PLCL1: variants seen among roughly 807,000 people sequenced by gnomAD.
PLCL1 encodes phospholipase C like 1 (inactive).
In PLCL1, 41 loss-of-function variants were observed where a neutral mutation model predicts 84.4. That is an observed-to-expected ratio of 0.49 (90% CI 0.38 to 0.63). PLCL1 has a LOEUF of 0.63. Ranked by LOEUF, PLCL1 falls within the 30% of genes least tolerant of loss-of-function variation. The pLI, the probability that PLCL1 is intolerant of heterozygous loss-of-function variation, is 0.00. For missense variants in PLCL1, 1,206 were observed against 1,367.8 expected (o/e 0.88, Z 1.87); for synonymous variants, 490 against 488.3 (o/e 1.00, Z -0.05).
intron 1 of PLCL1, among the ~76,000 whole-genome samples, chr2:197,823,063 G>T (rs1392053052): frequency 1.3e-5 from 2 of 152,062 alleles, no homozygotes; most frequent in Non-Finnish European, 2.9e-5. Context: ...AGTTAAAAAT[G>T]ATTTTCTATT....
At chr2:197,933,675 G>A (rs1688993898) in intron 1 of PLCL1, among the ~76,000 whole-genome samples, 1 of 152,108 alleles carries the variant, frequency 6.6e-6, no homozygotes, top group East Asian at 1.9e-4. Context: ...GGAAGTCATT[G>A]GAACTGGGCC....
chr2:198,111,065 A>C (rs1311854960), intron 5 of PLCL1, among the ~76,000 whole-genome samples: 1 of 151,848 alleles, frequency 6.6e-6, no homozygotes, highest in African/African-American at 2.4e-5. Flanking sequence ...GCAGCCAGAC[A>C]CTTCCTAGCT....
At chr2:197,966,704 A>G (rs1651489119) in intron 1 of PLCL1, among the ~76,000 whole-genome samples, 1 of 152,020 alleles carries the variant, frequency 6.6e-6, no homozygotes, top group African/African-American at 2.4e-5. Flanking sequence ...AAAACCAGGT[A>G]CTGTGGTCAC....
intron 1 of PLCL1, among the ~76,000 whole-genome samples, chr2:197,989,032 A>C (rs1690280836): frequency 6.6e-6 from 1 of 152,220 alleles, no homozygotes; most frequent in African/African-American, 2.4e-5. Flanking sequence ...TGAGTGAAAG[A>C]ACTAACTAGG....
intron 1 of PLCL1, among the ~76,000 whole-genome samples, chr2:197,967,060 T>C (rs1012286441): frequency 1.3e-5 from 2 of 152,126 alleles, no homozygotes; most frequent in Non-Finnish European, 1.5e-5. Flanking sequence ...CAGAGTCTGC[T>C]GCTCCAGCTC....
At chr2:198,065,717 G>C (rs1395059217) in intron 1 of PLCL1, among the ~76,000 whole-genome samples, 1 of 152,116 alleles carries the variant, frequency 6.6e-6, no homozygotes, top group Non-Finnish European at 1.5e-5. Context: ...AACTTAAAGG[G>C]CCTATTTTCC....
At chr2:197,989,021 T>C (rs1258146579) in intron 1 of PLCL1, among the ~76,000 whole-genome samples, 1 of 152,188 alleles carries the variant, frequency 6.6e-6, no homozygotes, top group African/African-American at 2.4e-5. Context: ...TTATATCCTA[T>C]TGAGTGAAAG....
intron 1 of PLCL1, among the ~76,000 whole-genome samples, chr2:197,974,283 A>G (rs1462693286): frequency 1.3e-5 from 2 of 152,220 alleles, no homozygotes; most frequent in Non-Finnish European, 2.9e-5. Flanking sequence ...ATTGCTATGG[A>G]AAGTCCTGGG....
At chr2:198,029,117 C>T (rs1303773848) in intron 1 of PLCL1, among the ~76,000 whole-genome samples, 2 of 152,178 alleles carry the variant, frequency 1.3e-5, no homozygotes. Flanking sequence ...TGTTCAAGAA[C>T]TCTCTGATGC....
chr2:197,938,950 T>A (rs1689100042), intron 1 of PLCL1, among the ~76,000 whole-genome samples: 1 of 152,168 alleles, frequency 6.6e-6, no homozygotes, highest in Admixed American at 6.5e-5. Context: ...CATTTGAGTT[T>A]GTGAACACAA....
At chr2:197,918,475 C>A (rs776531330) in intron 1 of PLCL1, among the ~76,000 whole-genome samples, 10 of 151,936 alleles carry the variant, frequency 6.6e-5, no homozygotes, top group Non-Finnish European at 1.3e-4. Flanking sequence ...AAAACATGTA[C>A]CATAATATGT....
intron 5 of PLCL1, among the ~76,000 whole-genome samples, chr2:198,114,000 C>T: frequency 6.7e-6 from 1 of 149,700 alleles, no homozygotes; most frequent in Non-Finnish European, 1.5e-5. Context: ...TGAAAAGATG[C>T]AGAGAGAGAG....
At chr2:197,894,242 G>A (rs1210535975) in intron 1 of PLCL1, among the ~76,000 whole-genome samples, 1 of 151,978 alleles carries the variant, frequency 6.6e-6, no homozygotes, top group African/African-American at 2.4e-5. Flanking sequence ...AGGCAGGCAA[G>A]GGAGACAGGT....
intron 1 of PLCL1, among the ~76,000 whole-genome samples, chr2:197,922,722 G>A (rs1251878432): frequency 4.6e-5 from 5 of 108,792 alleles, no homozygotes; most frequent in Admixed American, 9.0e-5. Context: ...CAGTAGGGGC[G>A]GCCGGGCAGA....
chr2:198,073,790 A>G (rs921477749), intron 1 of PLCL1, among the ~76,000 whole-genome samples: 1 of 152,194 alleles, frequency 6.6e-6, no homozygotes, highest in Non-Finnish European at 1.5e-5. Context: ...TGCAAGAAGG[A>G]GTCCATTTGT....
intron 1 of PLCL1, among the ~76,000 whole-genome samples, chr2:197,895,443 A>G (rs1035665228): frequency 1.8e-4 from 27 of 151,924 alleles, no homozygotes; most frequent in African/African-American, 6.0e-4. Context: ...GCAAATTTCC[A>G]TATGTAGAAA....
At chr2:197,968,429 T>G (rs1689791760) in intron 1 of PLCL1, among the ~76,000 whole-genome samples, 1 of 152,218 alleles carries the variant, frequency 6.6e-6, no homozygotes, top group Non-Finnish European at 1.5e-5. Flanking sequence ...GGGTACTTTC[T>G]AGGTTTCCTT....
chr2:198,076,341 G>T (rs1379483793), intron 1 of PLCL1, among the ~76,000 whole-genome samples: 3 of 152,216 alleles, frequency 2.0e-5, no homozygotes, highest in Non-Finnish European at 4.4e-5. Context: ...ATCAGTGTGG[G>T]TTTCCTAAAG....
chr2:197,824,731 A>C (rs951500422), intron 1 of PLCL1, among the ~76,000 whole-genome samples: 2 of 151,872 alleles, frequency 1.3e-5, no homozygotes, highest in Admixed American at 1.3e-4. Flanking sequence ...AAAAAAAAAA[A>C]AAAACATGTC....
Sources: allele counts gnomAD v4.1 joint callset (sites outside exome capture counted in the v4.1 genomes callset), GRCh38; gene constraint gnomAD v4.1.1; transcripts MANE v1.5; gene names NCBI Gene and HGNC (gene_info 2026-07-23, HGNC 2026-07-21).